Variants in GDF6 observed in about 807,000 individuals in gnomAD.
GDF6 encodes growth differentiation factor 6.
A neutral mutation model predicts 32.4 loss-of-function variants in GDF6; 3 were observed. The observed-to-expected ratio is 0.09, with a 90% CI of 0.04 to 0.24. The LOEUF (loss-of-function observed/expected upper bound fraction) is 0.24. Ranked by LOEUF, GDF6 falls within the 10% of genes least tolerant of loss-of-function variation. GDF6 has a pLI of 1.00. For synonymous variants in GDF6, 296 were observed against 295.3 expected (o/e 1.00, Z -0.03); for missense variants, 589 against 637.9 (o/e 0.92, Z 0.83).
chr8:96,156,409 CCTCTCT>C (rs1444250623), intron 1 of GDF6, among the ~76,000 whole-genome samples: 16 of 115,570 alleles, frequency 1.4e-4, no homozygotes, highest in African/African-American at 5.2e-4. Flanking sequence ...TCTCTCTTTC[CCTCTCT>C]CTCTCTCTCT....
At chr8:96,156,918 C>T (rs1586124284) in intron 1 of GDF6, among the ~76,000 whole-genome samples, 1 of 152,182 alleles carries the variant, frequency 6.6e-6, no homozygotes, top group African/African-American at 2.4e-5. Flanking sequence ...ACTATCTATA[C>T]AGTGCTCTAG....
In GDF6 at chr8:96,145,484, C is replaced by T. The variant is rs1466134059; in HGVS notation, c.447G>A (p.Leu149=). The T allele has an allele frequency of 1.3e-6, 2 of 1,598,008 alleles. No homozygotes were observed. The highest frequency in any genetic ancestry group is 1.7e-6 in the Non-Finnish European group (2 of 1,179,670). ...SHTPLRRQKY[L]FDVSMLSDKE... is the part of the protein sequence containing the mutation. ...TGTCTGAGAGCATGGACACATCAAA[C>T]AAATACTTCTGTCTCCGGAGAGGAG... Residue 149 remains leucine, a synonymous_variant, in exon 2 of 2, where the codon TTG becomes TTA. Coordinates refer to ENST00000287020, the MANE Select transcript of GDF6 (RefSeq NM_001001557.4). This position sits in a 1 kb window ranked among gnomAD's most constrained non-coding sequence, Gnocchi z 5.6.
At position 96,145,047 on chromosome 8, in the gene GDF6, TCG is replaced by T; in HGVS notation, c.882_883del (p.Glu295AlafsTer143). On this transcript the variant is annotated frameshift_variant, in exon 2 of 2. Transcript: ENST00000287020. LOFTEE classifies it high-confidence loss of function. This position sits in a 1 kb window ranked among gnomAD's most constrained non-coding sequence, Gnocchi z 5.6. ...CGCAGCCTCGGCCGAGCCCAGCTGC[TCG>T]CGCATCTCTGCGAACAGGTTCTTGC... 1 of 1,478,108 alleles carries T rather than the reference TCG, an allele frequency of 6.8e-7. No individual in the cohort carries two copies. The highest frequency in any genetic ancestry group is 8.9e-7 in the Non-Finnish European group (1 of 1,120,664). The allele number at this position is 1,478,108 out of a possible 1,614,324, so 91.6% of individuals were successfully genotyped here. A position where few individuals can be genotyped will look rare whatever the true frequency, so the allele number is the denominator to read the frequency against.
chr8:96,150,483 C>G lies in GDF6; in HGVS notation c.407-4959G>C, dbSNP rs181959970. On this transcript the variant is annotated intron_variant, in intron 1 of 1. Transcript: ENST00000287020. ...GCATTGAGCGCTTGTAGGGCACCAC[C>G]TTTGTGCTAGGCACGTGCTCAGAGC... 9.2e-5 allele frequency among the ~76,000 whole-genome samples: 14 copies of G among 152,350 alleles called. No individual in the cohort carries two copies. The East Asian group carries it at 2.3e-3, about 25-fold the overall frequency.
In GDF6 at chr8:96,142,340, G is replaced by GA. The variant is rs1812386363; in HGVS notation, c.*2222dup. ...ATAAACCAGGCTGAGTTATTAAGGAGAAAAATGCGTTTAATAATATAGCAT... is the reference window on the plus strand; with the variant it reads ...ATAAACCAGGCTGAGTTATTAAGGAGAAAAAATGCGTTTAATAATATAGCAT... On this transcript the variant is annotated 3_prime_UTR_variant, in exon 2 of 2. Coordinates refer to ENST00000287020, the MANE Select transcript of GDF6 (RefSeq NM_001001557.4). 6.6e-6 allele frequency: 1 copy of GA among 152,244 alleles called. No individual in the cohort carries two copies. The allele number at this position is 152,244 out of a possible 1,614,324, so 9.4% of individuals were successfully genotyped here. A position where few individuals can be genotyped will look rare whatever the true frequency, so the allele number is the denominator to read the frequency against.
intron 1 of GDF6, among the ~76,000 whole-genome samples, chr8:96,150,938 G>A (rs1022855947): frequency 2.0e-5 from 3 of 152,160 alleles, no homozygotes; most frequent in Non-Finnish European, 4.4e-5. Context: ...CACCTTCCGC[G>A]CTGCACTGAG....
rs1255278553 is a variant in GDF6 at position 96,143,138 on chromosome 8, TC to T, written c.*1424del. On this transcript the variant is annotated 3_prime_UTR_variant, in exon 2 of 2. Transcript: ENST00000287020. ...CCAGAAGACGAATTCCACCCCTGTC[TC>T]CTTCCTCACTGCCTGTTCCCCATCT... 9 of 152,272 alleles carry T rather than the reference TC, an allele frequency of 5.9e-5. No homozygotes were observed. Among genetic ancestry groups the T allele is most frequent in the Non-Finnish European group, 1.0e-4 (7 of 68,048 alleles). 9.4% of individuals were successfully genotyped at this position (152,272 alleles called of 1,614,324 possible).
At chr8:96,158,869 C>T (rs1346902439) in intron 1 of GDF6, among the ~76,000 whole-genome samples, 1 of 152,122 alleles carries the variant, frequency 6.6e-6, no homozygotes, top group African/African-American at 2.4e-5. Context: ...TTAATTTGCC[C>T]TCTGGACCTT....
chr8:96,151,949 A>C (rs1459399508), intron 1 of GDF6, among the ~76,000 whole-genome samples: 2 of 152,164 alleles, frequency 1.3e-5, no homozygotes, highest in Non-Finnish European at 2.9e-5. Flanking sequence ...TACCTCAGGG[A>C]TGTGCATAGT....
chr8:96,145,814 C>G lies in GDF6; in HGVS notation c.407-290G>C, dbSNP rs910654338. Among the ~76,000 whole-genome samples the G allele has an allele frequency of 1.3e-5, 2 of 152,144 alleles. No homozygotes were observed. Among genetic ancestry groups the G allele is most frequent in the Non-Finnish European group, 2.9e-5 (2 of 68,008 alleles). ...GCGGCGGCCTACCGGGTTTTCCCCC[C>G]AAAAGGCTTCGTAACCACTAATGTG... is the stretch of plus-strand genomic sequence containing the variant. On this transcript the variant is annotated intron_variant, in intron 1 of 1. Coordinates refer to ENST00000287020, the MANE Select transcript of GDF6 (RefSeq NM_001001557.4). The surrounding 1 kb of genome is among the most constrained non-coding windows in gnomAD (Gnocchi z 5.6).
chr8:96,144,972 G>C lies in GDF6; in HGVS notation c.959C>G (p.Pro320Arg), dbSNP rs888138096. The change falls in exon 2 of 2, where the codon CCG (proline) becomes CGG (arginine). Residue 320 changes from proline to arginine, a missense_variant. Transcript: ENST00000287020. This position sits in a 1 kb window ranked among gnomAD's most constrained non-coding sequence, Gnocchi z 5.1. ...CGAGGGCAGCCAAGGCCTGGCATCC[G>C]GGGCGCCCGACGGCGGCGGCCACGA... ...EGSWPPPSGA[P>R]DARPWLPSPG... is the part of the protein sequence containing the mutation. 1.1e-5 allele frequency: 15 copies of C among 1,392,372 alleles called. No individual in the cohort carries two copies. The highest frequency in any genetic ancestry group is 1.3e-5 in the Non-Finnish European group (14 of 1,079,294). 86.3% of individuals were successfully genotyped at this position (1,392,372 alleles called of 1,614,324 possible). A position where few individuals can be genotyped will look rare whatever the true frequency, so the allele number is the denominator to read the frequency against.
intron 1 of GDF6, among the ~76,000 whole-genome samples, chr8:96,149,180 A>G (rs1005070181): frequency 7.2e-5 from 11 of 152,208 alleles, no homozygotes; most frequent in Non-Finnish European, 2.9e-5. Flanking sequence ...CCTTTGACTA[A>G]AAAAACATGC....
At position 96,144,575 on chromosome 8, in the gene GDF6, G is replaced by C; in HGVS notation, c.1356C>G (p.Cys452Trp). The C allele has an allele frequency of 6.2e-7, 1 of 1,613,696 alleles. No homozygotes were observed. Among genetic ancestry groups the C allele is most frequent in the Non-Finnish European group, 8.5e-7 (1 of 1,179,872 alleles). ...KQYEDMVVES[C>W]GCR ...GGGAAAGGCACCGCTACCTGCAGCCGCACGACTCCACCACCATGTCCTCGT... is the reference window on the plus strand; with the variant it reads ...GGGAAAGGCACCGCTACCTGCAGCCCCACGACTCCACCACCATGTCCTCGT... Residue 452 changes from cysteine (C) to tryptophan (W), a missense_variant, in exon 2 of 2, where the codon TGC becomes TGG. Cys to Trp is a radical substitution (Grantham distance 215). This residue lies in a region of GDF6 where 153 missense variants were observed against 226.7 expected (regional missense o/e 0.67). Transcript: ENST00000287020. This position sits in a 1 kb window ranked among gnomAD's most constrained non-coding sequence, Gnocchi z 5.1.
At position 96,144,921 on chromosome 8, in the gene GDF6, G is replaced by T. The variant is rs757927392; in HGVS notation, c.1010C>A (p.Ala337Asp). Residue 337 changes from alanine (A) to aspartate (D), a missense_variant, in exon 2 of 2, where the codon GCC becomes GAC. By Grantham distance (126) the Ala-to-Asp change is moderately radical (BLOSUM62 -2). This residue lies in a region of GDF6 where 153 missense variants were observed against 226.7 expected (regional missense o/e 0.67). Transcript: ENST00000287020. The surrounding 1 kb of genome is among the most constrained non-coding windows in gnomAD (Gnocchi z 5.1). ...PSPGRRRRRT[A>D]FASRHGKRHG... ...CCGCTTGCCATGGCGACTGGCGAAG[G>T]CCGTGCGCCGCCGCCGGCGGCCGGG... The T allele has an allele frequency of 6.2e-7, 1 of 1,600,962 alleles. No individual in the cohort carries two copies. Among genetic ancestry groups the T allele is most frequent in the Non-Finnish European group, 8.5e-7 (1 of 1,174,280 alleles).
intron 1 of GDF6, among the ~76,000 whole-genome samples, chr8:96,149,867 C>A (rs532898177): frequency 2.0e-5 from 3 of 150,862 alleles, no homozygotes; most frequent in Admixed American, 6.5e-5. Flanking sequence ...CCCGGGGAAC[C>A]TGAGCCCCAA....
chr8:96,158,943 G>A (rs1432042159), intron 1 of GDF6, among the ~76,000 whole-genome samples: 1 of 151,548 alleles, frequency 6.6e-6, no homozygotes, highest in African/African-American at 2.4e-5. Flanking sequence ...CAAGGAACGC[G>A]ACTATGAGTG....
chr8:96,153,528 C>T (rs1411227188), intron 1 of GDF6, among the ~76,000 whole-genome samples: 1 of 152,222 alleles, frequency 6.6e-6, no homozygotes, highest in South Asian at 2.1e-4. Context: ...GGCGGCCTTC[C>T]CTGCACTGTC....
intron 1 of GDF6, among the ~76,000 whole-genome samples, chr8:96,150,204 G>A (rs766687979): frequency 6.6e-6 from 1 of 152,162 alleles, no homozygotes; most frequent in Non-Finnish European, 1.5e-5. Flanking sequence ...TGGGCTCCAC[G>A]AGATTCCTCC....
intron 1 of GDF6, among the ~76,000 whole-genome samples, chr8:96,151,197 T>A (rs1430485948): frequency 6.6e-6 from 1 of 152,198 alleles, no homozygotes; most frequent in African/African-American, 2.4e-5. Context: ...GAGATGTAAG[T>A]TCGGGAAGCA....
Sources: gnomAD v4.1 joint callset for allele counts (sites outside exome capture counted in the v4.1 genomes callset) on GRCh38, gnomAD v4.1.1 for gene constraint, gnomAD v4.1.1 regional missense constraint, Gnocchi (gnomAD v3.1) non-coding constraint, MANE v1.5 for transcripts, NCBI Gene and HGNC (gene_info 2026-07-23, HGNC 2026-07-21) for gene names.